CDH12: variants seen among roughly 807,000 people sequenced by gnomAD.
CDH12 encodes cadherin 12.
CDH12 carries 41 observed loss-of-function variants against 74.1 expected under a neutral mutation model. That is an observed-to-expected ratio of 0.55 (90% confidence interval 0.43 to 0.72). CDH12 has a LOEUF of 0.72. Among genes scored for constraint, CDH12 ranks in the 30% least tolerant of loss-of-function variants. CDH12 has a pLI of 0.00. For synonymous variants in CDH12, 399 were observed against 355.0 expected (o/e 1.12, Z -1.39); for missense variants, 945 against 977.2 (o/e 0.97, Z 0.44).
intron 4 of CDH12, among the ~76,000 whole-genome samples, chr5:22,151,092 C>A (rs189596942): frequency 6.6e-6 from 1 of 152,126 alleles, no homozygotes; most frequent in African/African-American, 2.4e-5. Flanking sequence ...ATTAATTAAT[C>A]CATTTAATTC....
rs796278506 is a variant in CDH12, at chr5:22,153,447, G to A, written c.-187+59051C>T. ...TTGTTTTTCTATTAGAGTTTGGAAT[G>A]GGTCACCCATGCTCTGAGGCTCTAT... On this transcript the variant is annotated intron_variant, in intron 4 of 14. Transcript: ENST00000382254. Among the ~76,000 whole-genome samples the A allele has an allele frequency of 2.6e-5, 4 of 151,804 alleles. No homozygotes were observed. The South Asian group carries it at 8.3e-4, about 32-fold the overall frequency.
chr5:21,998,503 A>T, intron 5 of CDH12, among the ~76,000 whole-genome samples: 1 of 152,132 alleles, frequency 6.6e-6, no homozygotes, highest in Non-Finnish European at 1.5e-5. Flanking sequence ...CCTGCTTAAA[A>T]TGAGAACTAA....
At chr5:21,781,424 T>TA (rs1178314417) in intron 11 of CDH12, among the ~76,000 whole-genome samples, 1 of 152,060 alleles carries the variant, frequency 6.6e-6, no homozygotes, top group Non-Finnish European at 1.5e-5. Flanking sequence ...ATTTTAGCCC[T>TA]AAAAACAGCG....
chr5:22,469,675 T>G (rs910939928), intron 2 of CDH12, among the ~76,000 whole-genome samples: 18 of 152,146 alleles, frequency 1.2e-4, no homozygotes, highest in African/African-American at 4.3e-4. Flanking sequence ...TCAATGGCAG[T>G]CATTTTCCAG....
At chr5:22,341,527 G>A (rs1739849605) in intron 3 of CDH12, among the ~76,000 whole-genome samples, 1 of 152,090 alleles carries the variant, frequency 6.6e-6, no homozygotes, top group African/African-American at 2.4e-5. Context: ...ACCTAAATAA[G>A]CCATAATACA....
chr5:22,030,728 C>T (rs1206304624), intron 5 of CDH12, among the ~76,000 whole-genome samples: 3 of 152,316 alleles, frequency 2.0e-5, no homozygotes, highest in Non-Finnish European at 4.4e-5. Context: ...CTTCCCCTGT[C>T]TAGCTATGAA....
chr5:22,749,442 A>C (rs1178172021), intron 1 of CDH12, among the ~76,000 whole-genome samples: 1 of 152,234 alleles, frequency 6.6e-6, no homozygotes, highest in African/African-American at 2.4e-5. Context: ...AATTCTCTTT[A>C]GTTTCAAGTG....
At chr5:21,823,463 C>T (rs2149954890) in intron 8 of CDH12, among the ~76,000 whole-genome samples, 1 of 152,168 alleles carries the variant, frequency 6.6e-6, no homozygotes, top group Middle Eastern at 3.4e-3. Flanking sequence ...ACTTTTGTTG[C>T]TGCAATTTGG....
At chr5:22,721,247 T>G (rs1743866447) in intron 1 of CDH12, among the ~76,000 whole-genome samples, 1 of 152,172 alleles carries the variant, frequency 6.6e-6, no homozygotes, top group Admixed American at 6.5e-5. Flanking sequence ...GGGGCCAAGG[T>G]GGAGTGGATC....
chr5:21,947,592 T>C (rs1480947404), intron 6 of CDH12, among the ~76,000 whole-genome samples: 2 of 152,230 alleles, frequency 1.3e-5, no homozygotes, highest in East Asian at 3.9e-4. Flanking sequence ...ATGTTTAAAA[T>C]GGAAGCAGGG....
intron 6 of CDH12, among the ~76,000 whole-genome samples, chr5:21,915,565 G>T (rs574459123): frequency 2.2e-3 from 330 of 152,008 alleles, no homozygotes; most frequent in Non-Finnish European, 3.5e-3. Context: ...TAAGGGTTTT[G>T]AGTTTGAAAT....
At chr5:22,817,253 T>C (rs553840460) in intron 1 of CDH12, among the ~76,000 whole-genome samples, 1 of 152,122 alleles carries the variant, frequency 6.6e-6, no homozygotes. Context: ...TGTAGAAAAT[T>C]TGTCAGAATC....
chr5:22,397,110 C>T (rs1484116319), intron 3 of CDH12, among the ~76,000 whole-genome samples: 1 of 152,052 alleles, frequency 6.6e-6, no homozygotes, highest in Non-Finnish European at 1.5e-5. Flanking sequence ...CTCCCTGCCT[C>T]CCTTGTAGGT....
chr5:22,226,954 C>G (rs1752214549), intron 3 of CDH12, among the ~76,000 whole-genome samples: 1 of 152,022 alleles, frequency 6.6e-6, no homozygotes. Flanking sequence ...TCAGTATAAA[C>G]AAGAGGGGAT....
At chr5:22,171,704 A>C (rs1561186896) in intron 4 of CDH12, among the ~76,000 whole-genome samples, 1 of 151,958 alleles carries the variant, frequency 6.6e-6, no homozygotes, top group African/African-American at 2.4e-5. Context: ...GTCAGAACTT[A>C]ATCCTTTTAA....
chr5:22,524,711 G>A lies in CDH12; in HGVS notation c.-522-19347C>T, dbSNP rs183208359. 2.5e-4 allele frequency among the ~76,000 whole-genome samples: 38 copies of A among 152,102 alleles called. 1 individual carries two copies. The highest frequency in any genetic ancestry group is 2.2e-3 in the Admixed American group (34 of 15,268). On this transcript the variant is annotated intron_variant, in intron 1 of 14. Coordinates refer to ENST00000382254, the MANE Select transcript of CDH12 (RefSeq NM_004061.5). ...GCAACACAGGCTTCCATATCAGAGTGGGTTGTGACAGTAAGTCATCTTTAT... is the reference window on the plus strand; with the variant it reads ...GCAACACAGGCTTCCATATCAGAGTAGGTTGTGACAGTAAGTCATCTTTAT...
Position 22,217,394 on chromosome 5 carries a change from G to A in CDH12, c.-332-4751C>T, listed in dbSNP as rs993244892. ...AATTGGAGAGCATACTTAAAGAATG[G>A]ACACATAATATTAACATATTTTGTG... On this transcript the variant is annotated intron_variant, in intron 3 of 14. Coordinates refer to ENST00000382254, the MANE Select transcript of CDH12 (RefSeq NM_004061.5). Among the ~76,000 whole-genome samples the A allele has an allele frequency of 2.0e-5, 3 of 151,632 alleles. No individual in the cohort carries two copies. In the South Asian group the frequency reaches 6.2e-4, roughly 31 times the overall value.
intron 3 of CDH12, among the ~76,000 whole-genome samples, chr5:22,304,945 C>A (rs917678982): frequency 6.6e-6 from 1 of 152,094 alleles, no homozygotes. Context: ...TGTAAACCTT[C>A]GAAAATACTA....
intron 1 of CDH12, among the ~76,000 whole-genome samples, chr5:22,661,088 T>C (rs960493452): frequency 1.3e-5 from 2 of 151,782 alleles, no homozygotes; most frequent in African/African-American, 4.9e-5. Context: ...TAGAGCCTGA[T>C]ACTTCTAATG....
Sources: gnomAD v4.1 joint callset for allele counts (sites outside exome capture counted in the v4.1 genomes callset) on GRCh38, gnomAD v4.1.1 for gene constraint, MANE v1.5 for transcripts, NCBI Gene and HGNC (gene_info 2026-07-23, HGNC 2026-07-21) for gene names.